The following SNRNP70 variants were observed in gnomAD, a reference collection of about 807,000 sequenced individuals.
SNRNP70 encodes the protein U1 small nuclear ribonucleoprotein 70 kDa.
In SNRNP70, 8 loss-of-function variants were observed where a neutral mutation model predicts 50.5. The observed-to-expected ratio is 0.16, with a 90% CI of 0.09 to 0.29. The LOEUF is 0.29. SNRNP70 is among the 10% of genes least tolerant of loss of function. SNRNP70 has a pLI of 1.00. For missense variants in SNRNP70, 529 were observed against 663.5 expected (o/e 0.80, Z 2.23); for synonymous variants, 320 against 252.9 (o/e 1.27, Z -2.52).
At position 49,085,561 on chromosome 19, in the gene SNRNP70, AGTT is replaced by A. The variant is rs757958758; in HGVS notation, c.-78_-76del. 3.7e-5 allele frequency: 17 copies of A among 455,858 alleles called. No individual in the cohort carries two copies. Among genetic ancestry groups the A allele is most frequent in the South Asian group, 1.4e-4 (9 of 64,562 alleles). 28.2% of individuals were successfully genotyped at this position (455,858 alleles called of 1,614,324 possible). A position where few individuals can be genotyped will look rare whatever the true frequency, so the allele number is the denominator to read the frequency against. ...CCCCCGGAGTGGAAGCCGAAGCAGGAGTTGTTGTTGCTGAGGGGCTGCCGCAGC... is the reference window on the plus strand; with the variant it reads ...CCCCCGGAGTGGAAGCCGAAGCAGGAGTTGTTGCTGAGGGGCTGCCGCAGC... On this transcript the variant is annotated 5_prime_UTR_variant, in exon 1 of 10. Coordinates refer to ENST00000598441, the MANE Select transcript of SNRNP70 (RefSeq NM_003089.6).
rs2040434368 is a variant in SNRNP70, at chr19:49,090,487, C to G, written c.232C>G (p.Arg78Gly). ...ERKRREKIER[R>G]QQEVETELKM... ...ACAGAGACGGGAAAAGATTGAGCGG[C>G]GACAGCAAGAAGTGGAGACAGAGCT... is the stretch of plus-strand genomic sequence containing the variant. Residue 78 changes from arginine to glycine, a missense_variant, in exon 4 of 10, where the codon CGA becomes GGA. Arg to Gly is a moderately radical substitution (Grantham distance 125, BLOSUM62 -2). Coordinates refer to ENST00000598441, the MANE Select transcript of SNRNP70 (RefSeq NM_003089.6). The G allele has an allele frequency of 6.2e-7, 1 of 1,614,132 alleles. No individual in the cohort carries two copies. Among genetic ancestry groups the G allele is most frequent in the South Asian group, 1.1e-5 (1 of 91,084 alleles).
chr19:49,107,570 C>G lies in SNRNP70; in HGVS notation c.578-55C>G, dbSNP rs188454804. The G allele has an allele frequency of 2.6e-6, 4 of 1,555,346 alleles. No homozygotes were observed. The highest frequency in any genetic ancestry group is 2.7e-5 in the African/African-American group (2 of 73,778). On this transcript the variant is annotated intron_variant, in intron 8 of 9. Coordinates refer to ENST00000598441, the MANE Select transcript of SNRNP70 (RefSeq NM_003089.6). The surrounding 1 kb of genome is among the most constrained non-coding windows in gnomAD (Gnocchi z 6.0). ...CTCTTGGAGTCGGCTCATTTCTGCT[C>G]CTCCGGGCCCTGTCCCTGCCCAGAT...
chr19:49,090,761 A>G (rs2040437769), intron 4 of SNRNP70: 2 of 560,184 alleles, frequency 3.6e-6, no homozygotes, highest in Admixed American at 3.0e-5. Context: ...CTCCTCCTGC[A>G]TGGGAGGACA....
chr19:49,101,704 G>T, intron 7 of SNRNP70: 1 of 536,660 alleles, frequency 1.9e-6, no homozygotes, highest in East Asian at 3.2e-5. Context: ...GGAGGTAAGT[G>T]TCACACGTTG....
intron 2 of SNRNP70, among the ~76,000 whole-genome samples, chr19:49,089,808 G>A (rs996792600): frequency 2.6e-5 from 4 of 151,272 alleles, no homozygotes; most frequent in Admixed American, 6.6e-5. Context: ...GACTACAGGC[G>A]CCCACCACCA....
At chr19:49,085,889 C>T (rs1274075548) in intron 1 of SNRNP70, among the ~76,000 whole-genome samples, 1 of 152,176 alleles carries the variant, frequency 6.6e-6, no homozygotes, top group East Asian at 1.9e-4. Context: ...CTATGTTGTC[C>T]TGGACCCTTA....
chr19:49,093,386 A>C (rs1248147427), intron 4 of SNRNP70, among the ~76,000 whole-genome samples: 1 of 151,128 alleles, frequency 6.6e-6, no homozygotes, highest in Non-Finnish European at 1.5e-5. Flanking sequence ...ACACCCGGCC[A>C]GAAATGCTTT....
Position 49,108,238 on chromosome 19 carries a change from G to T in SNRNP70, c.1109G>T (p.Arg370Leu). Reference protein sequence around the residue: ...SERERRRDRDRDRDRDREHKR... With the variant: ...SERERRRDRDLDRDRDREHKR... ...CGCGAGCGGCGCCGGGACCGGGATCGTGACCGTGACCGTGACCGCGAGCAC... is the reference window on the plus strand; with the variant it reads ...CGCGAGCGGCGCCGGGACCGGGATCTTGACCGTGACCGTGACCGCGAGCAC... Residue 370 changes from arginine (R) to leucine (L), a missense_variant, in exon 10 of 10, where the codon CGT (arginine) becomes CTT (leucine). Transcript: ENST00000598441. The T allele has an allele frequency of 6.5e-7, 1 of 1,536,272 alleles. No homozygotes were observed. Among genetic ancestry groups the T allele is most frequent in the Non-Finnish European group, 8.8e-7 (1 of 1,140,752 alleles).
At chr19:49,106,056 G>A (rs560532707) in intron 8 of SNRNP70, among the ~76,000 whole-genome samples, 32 of 152,340 alleles carry the variant, frequency 2.1e-4, no homozygotes, top group African/African-American at 7.2e-4. Flanking sequence ...GGCAGTAGTA[G>A]CCACTTGGGG....
chr19:49,097,129 T>TA lies in SNRNP70; in HGVS notation c.266-1284dup, dbSNP rs1002337023. Among the ~76,000 whole-genome samples, 1,027 of 143,654 alleles carry TA rather than the reference T, an allele frequency of 7.1e-3. 7 individuals are homozygous for TA. The highest frequency in any genetic ancestry group is 0.022 in the African/African-American group (854 of 39,160). The allele number at this position is 143,654 out of a possible 152,430, so 94.2% of individuals were successfully genotyped here. A position where few individuals can be genotyped will look rare whatever the true frequency, so the allele number is the denominator to read the frequency against. On this transcript the variant is annotated intron_variant, in intron 4 of 9. Transcript: ENST00000598441. ...CTGGGCAACAGAGCAAGACTCTGTT[T>TA]AAAAAAAAAAAAAATCTGAGACTTT...
chr19:49,085,785 A>G (rs890635208), intron 1 of SNRNP70, 149 bp downstream of exon 1: 22 of 385,572 alleles, frequency 5.7e-5, no homozygotes, highest in African/African-American at 1.0e-4. Flanking sequence ...GGACCCCGAA[A>G]TCTCTGGGCA....
At chr19:49,101,894 G>A (rs1307054229) in intron 7 of SNRNP70, among the ~76,000 whole-genome samples, 1 of 151,628 alleles carries the variant, frequency 6.6e-6, no homozygotes, top group African/African-American at 2.4e-5. Context: ...ACTGGGGCTG[G>A]GCCACCCGAC....
Position 49,090,613 on chromosome 19 carries a change from C to T in SNRNP70, c.265+93C>T, listed in dbSNP as rs1377120405. 5.8e-6 allele frequency: 7 copies of T among 1,210,532 alleles called. No homozygotes were observed. In the East Asian group the frequency reaches 1.2e-4, roughly 21 times the overall value. 75.0% of individuals were successfully genotyped at this position (1,210,532 alleles called of 1,614,324 possible). On this transcript the variant is annotated intron_variant, in intron 4 of 9. Coordinates refer to ENST00000598441, the MANE Select transcript of SNRNP70 (RefSeq NM_003089.6). Reference sequence around the variant, plus strand: ...CCAGGACCCTGCTGTCTCCCTAAGGCCTGTGTTGTGGGGAACAGGGTTGTT... The same window carrying T: ...CCAGGACCCTGCTGTCTCCCTAAGGTCTGTGTTGTGGGGAACAGGGTTGTT...
chr19:49,107,762 G>C lies in SNRNP70; in HGVS notation c.666-33G>C, dbSNP rs140903898. 1 of 1,611,622 alleles carries C rather than the reference G, an allele frequency of 6.2e-7. No individual in the cohort carries two copies. The highest frequency in any genetic ancestry group is 8.5e-7 in the Non-Finnish European group (1 of 1,179,390). On this transcript the variant is annotated intron_variant, in intron 9 of 9. Coordinates refer to ENST00000598441, the MANE Select transcript of SNRNP70 (RefSeq NM_003089.6). This position sits in a 1 kb window ranked among gnomAD's most constrained non-coding sequence, Gnocchi z 6.0. The stretch of plus-strand genomic sequence containing the variant: ...GGGGTGGGGGGCGGTCACGGGGGGA[G>C]CCCAGCCACACAGGTCTGCCCACCT...
chr19:49,093,706 A>AC (rs2040478978), intron 4 of SNRNP70, among the ~76,000 whole-genome samples: 1 of 138,246 alleles, frequency 7.2e-6, no homozygotes, highest in Admixed American at 7.3e-5. Flanking sequence ...AAAAAAAAAC[A>AC]GTTCCAGGCC....
intron 4 of SNRNP70, among the ~76,000 whole-genome samples, chr19:49,098,182 G>A (rs2040536680): frequency 6.6e-6 from 1 of 152,166 alleles, no homozygotes; most frequent in African/African-American, 2.4e-5. Flanking sequence ...CTTGAAGTCA[G>A]CCTTACCTCC....
chr19:49,093,686 AAAAAAAC>A (rs1274883441), intron 4 of SNRNP70, among the ~76,000 whole-genome samples: 3 of 137,792 alleles, frequency 2.2e-5, no homozygotes, highest in African/African-American at 5.2e-5. Context: ...CTCAAAAAAA[AAAAAAAC>A]AAAAAAAAAA....
At chr19:49,101,093 C>G (rs544154779) in intron 6 of SNRNP70, among the ~76,000 whole-genome samples, 1 of 152,316 alleles carries the variant, frequency 6.6e-6, no homozygotes, top group South Asian at 2.1e-4. Flanking sequence ...TGCCCTCCTG[C>G]CCCCGGGCCC....
At position 49,101,411 on chromosome 19, in the gene SNRNP70, C is replaced by A. The variant is rs754513902; in HGVS notation, c.415C>A (p.Arg139=). Residue 139 remains arginine, a synonymous_variant, in exon 7 of 10, where the codon CGG becomes AGG. Transcript: ENST00000598441. ...IKRIHMVYSK[R]SGKPRGYAFI... ...ACAGATACACATGGTCTACAGTAAGCGGTCAGGAAAGCCCCGTGGCTATGC... is the reference window on the plus strand; with the variant it reads ...ACAGATACACATGGTCTACAGTAAGAGGTCAGGAAAGCCCCGTGGCTATGC... 1 of 1,613,796 alleles carries A rather than the reference C, an allele frequency of 6.2e-7. No individual in the cohort carries two copies. The highest frequency in any genetic ancestry group is 1.1e-5 in the South Asian group (1 of 91,086).
Sources: allele counts gnomAD v4.1 joint callset (sites outside exome capture counted in the v4.1 genomes callset), GRCh38; gene constraint gnomAD v4.1.1; non-coding constraint Gnocchi (gnomAD v3.1); transcripts MANE v1.5; gene names NCBI Gene and HGNC (gene_info 2026-07-23, HGNC 2026-07-21).